BZW2: variants seen among roughly 807,000 people sequenced by gnomAD.
BZW2 encodes the protein eIF5-mimic protein 1.
BZW2 carries 23 observed loss-of-function variants against 53.2 expected under a neutral mutation model. The ratio of observed to expected loss-of-function variants is 0.43; its 90% confidence interval spans 0.31 to 0.61. The LOEUF (loss-of-function observed/expected upper bound fraction) is 0.61, where lower values mean the gene tolerates loss of function less well. BZW2 is among the 20% of genes least tolerant of loss of function. The pLI is 0.09. For synonymous variants in BZW2, 227 were observed against 186.4 expected (o/e 1.22, Z -1.77); for missense variants, 409 against 503.1 (o/e 0.81, Z 1.79).
chr7:16,697,151 A>C, intron 9 of BZW2, 90 bp downstream of exon 9: 1 of 1,435,748 alleles, frequency 7.0e-7, no homozygotes, highest in Non-Finnish European at 9.4e-7. Context: ...GTGCAGTGGC[A>C]CGATCTGCGC....
intron 2 of BZW2, 146 bp from the exon 3 acceptor site, chr7:16,674,266 A>T: frequency 1.8e-6 from 1 of 552,806 alleles, no homozygotes; most frequent in East Asian, 3.0e-5. Context: ...TTGTTTGTTT[A>T]TATTTGTATA....
chr7:16,672,570 T>G (rs1014227354), intron 2 of BZW2, among the ~76,000 whole-genome samples: 5 of 152,176 alleles, frequency 3.3e-5, no homozygotes, highest in African/African-American at 1.2e-4. Context: ...CTTTTGAAGT[T>G]TTGGGTTCAT....
At chr7:16,673,163 G>A (rs1275327180) in intron 2 of BZW2, among the ~76,000 whole-genome samples, 1 of 152,028 alleles carries the variant, frequency 6.6e-6, no homozygotes, top group Admixed American at 6.6e-5. Flanking sequence ...AGCCAGGATG[G>A]TCTCAATCTT....
At chr7:16,668,273 T>TA (rs759578008) in intron 2 of BZW2, among the ~76,000 whole-genome samples, 4 of 152,194 alleles carry the variant, frequency 2.6e-5, no homozygotes, top group Non-Finnish European at 5.9e-5. Flanking sequence ...AACTGGCCCT[T>TA]ACGTTTGTCT....
At chr7:16,674,674 A>C (rs1782715199) in intron 3 of BZW2, 86 bp downstream of exon 3, 3 of 1,178,102 alleles carry the variant, frequency 2.5e-6, no homozygotes, top group Non-Finnish European at 2.2e-6. Flanking sequence ...GAGTCTTTAT[A>C]AGTTTATGTT....
intron 2 of BZW2, among the ~76,000 whole-genome samples, chr7:16,671,845 C>A (rs1782609644): frequency 1.4e-5 from 2 of 147,308 alleles, no homozygotes; most frequent in Non-Finnish European, 3.0e-5. Context: ...GCAGGAAAAT[C>A]ACATGAACCC....
At chr7:16,688,740 T>C (rs993753057) in intron 6 of BZW2, 1 of 152,240 alleles carries the variant, frequency 6.6e-6, no homozygotes, top group Non-Finnish European at 1.5e-5. Context: ...AAATTTGAAG[T>C]GTTCATAGAA....
At chr7:16,676,726 A>G (rs1286248141) in intron 3 of BZW2, among the ~76,000 whole-genome samples, 2 of 152,288 alleles carry the variant, frequency 1.3e-5, no homozygotes, top group African/African-American at 2.4e-5. Context: ...TAATTATGAT[A>G]TATTTTTATC....
At chr7:16,674,089 G>A (rs368736741) in intron 2 of BZW2, among the ~76,000 whole-genome samples, 16 of 152,122 alleles carry the variant, frequency 1.1e-4, no homozygotes, top group East Asian at 7.8e-4. Context: ...TAATAGAGAC[G>A]GAGTTTCATT....
intron 2 of BZW2, among the ~76,000 whole-genome samples, chr7:16,666,277 T>C (rs1267053604): frequency 2.0e-5 from 3 of 151,914 alleles, no homozygotes; most frequent in Non-Finnish European, 1.5e-5. Flanking sequence ...AAAAAAATTT[T>C]TTTGTAGAGA....
At chr7:16,678,087 C>CT (rs71007780) in intron 3 of BZW2, among the ~76,000 whole-genome samples, 1,844 of 66,910 alleles carry the variant, frequency 0.028, 64 homozygotes, top group Admixed American at 0.037. Flanking sequence ...TTCCATTGTT[C>CT]TTTTTTTTTT....
At chr7:16,659,526 C>A (rs1782198567) in intron 1 of BZW2, among the ~76,000 whole-genome samples, 1 of 151,894 alleles carries the variant, frequency 6.6e-6, no homozygotes, top group African/African-American at 2.4e-5. Flanking sequence ...TGTTATCAAC[C>A]CAAAAGATTC....
At chr7:16,685,626 A>T (rs1290296127) in intron 5 of BZW2, among the ~76,000 whole-genome samples, 1 of 152,196 alleles carries the variant, frequency 6.6e-6, no homozygotes, top group Non-Finnish European at 1.5e-5. Context: ...ATCTGTTTAC[A>T]TATCATCCAA....
chr7:16,698,868 T>C (rs574873541), intron 10 of BZW2, among the ~76,000 whole-genome samples: 1 of 152,216 alleles, frequency 6.6e-6, no homozygotes, highest in African/African-American at 2.4e-5. Flanking sequence ...TAAGAAGTGG[T>C]ACATTTTGAA....
At chr7:16,698,266 G>A in intron 10 of BZW2, 80 bp downstream of exon 10, 1 of 1,551,984 alleles carries the variant, frequency 6.4e-7, no homozygotes, top group Non-Finnish European at 8.9e-7. Flanking sequence ...TGAGGCAGAG[G>A]AGGTCATGGG....
intron 10 of BZW2, among the ~76,000 whole-genome samples, chr7:16,699,184 A>G (rs1028602123): frequency 6.6e-6 from 1 of 152,208 alleles, no homozygotes; most frequent in Non-Finnish European, 1.5e-5. Flanking sequence ...CAACAATTAT[A>G]ATAGTCAGGA....
intron 11 of BZW2, 27 bp from the exon 12 acceptor site, chr7:16,706,033 A>G (rs748647218): frequency 3.1e-6 from 5 of 1,613,578 alleles, no homozygotes; most frequent in Non-Finnish European, 4.2e-6. Context: ...CTGGGAGGAA[A>G]TATCTCACTT....
intron 7 of BZW2, among the ~76,000 whole-genome samples, chr7:16,691,882 G>C (rs1335781385): frequency 1.4e-5 from 2 of 144,536 alleles, no homozygotes; most frequent in African/African-American, 2.8e-5. Context: ...TAGGTTCTGT[G>C]TGTGTGTGTG....
At chr7:16,691,649 C>T (rs1783310938) in intron 7 of BZW2, among the ~76,000 whole-genome samples, 1 of 152,212 alleles carries the variant, frequency 6.6e-6, no homozygotes, top group Non-Finnish European at 1.5e-5. Context: ...GGCTGCTTCT[C>T]CACCTCTGCA....
Sources: gnomAD v4.1 joint callset for allele counts (sites outside exome capture counted in the v4.1 genomes callset) on GRCh38, gnomAD v4.1.1 for gene constraint, MANE v1.5 for transcripts, NCBI Gene and HGNC (gene_info 2026-07-23, HGNC 2026-07-21) for gene names.